Variants in AFAP1 observed in about 807,000 individuals in gnomAD.
AFAP1 encodes the protein actin filament associated protein 1.
Under a neutral mutation model 93.9 loss-of-function variants are expected in AFAP1, and 75 were observed. The observed-to-expected ratio is 0.80, with a 90% CI of 0.66 to 0.97. The LOEUF (loss-of-function observed/expected upper bound fraction) is 0.97. Ranked by LOEUF, AFAP1 falls within the 50% of genes least tolerant of loss-of-function variation. The probability of loss-of-function intolerance (pLI) is 0.00; values close to 1 mark genes in which losing one functional copy is unlikely to be tolerated. For missense variants in AFAP1, 1,201 were observed against 1,050.8 expected, an observed-to-expected ratio of 1.14 and a Z score of -1.98; for synonymous variants, 517 against 430.7, an observed-to-expected ratio of 1.20 and a Z score of -2.48.
intron 10 of AFAP1, chr4:7,799,073 A>G (rs932685788): frequency 4.1e-6 from 4 of 986,024 alleles, no homozygotes; most frequent in African/African-American, 1.7e-5. Flanking sequence ...TTTACAAGGT[A>G]CACTGACTCT....
intron 2 of AFAP1, among the ~76,000 whole-genome samples, chr4:7,869,853 C>T (rs552430643): frequency 6.6e-6 from 1 of 152,224 alleles, no homozygotes; most frequent in East Asian, 1.9e-4. Context: ...AAATGACACA[C>T]ACACACACAC....
At chr4:7,797,344 G>A (rs907938241) in intron 10 of AFAP1, among the ~76,000 whole-genome samples, 6 of 152,084 alleles carry the variant, frequency 3.9e-5, no homozygotes, top group Non-Finnish European at 8.8e-5. Flanking sequence ...AGACTTAGAG[G>A]GGAAAAATGC....
chr4:7,772,578 GAC>G, intron 16 of AFAP1: 3 of 524,612 alleles, frequency 5.7e-6, no homozygotes, highest in East Asian at 6.3e-5. Context: ...AAAGGGGAAA[GAC>G]ACAGACTCAG....
chr4:7,890,839 G>A (rs547989639), intron 1 of AFAP1, among the ~76,000 whole-genome samples: 9 of 152,220 alleles, frequency 5.9e-5, no homozygotes, highest in South Asian at 2.1e-4. Context: ...CCACTTTCCC[G>A]GTGGGAAGGC....
intron 9 of AFAP1, among the ~76,000 whole-genome samples, chr4:7,802,387 G>A (rs887742880): frequency 3.3e-5 from 5 of 152,208 alleles, no homozygotes; most frequent in East Asian, 3.9e-4. Context: ...AGGGCTGCAG[G>A]GAGGTGAAGA....
intron 16 of AFAP1, among the ~76,000 whole-genome samples, chr4:7,771,181 T>C (rs1560146332): frequency 6.6e-6 from 1 of 152,244 alleles, no homozygotes; most frequent in Non-Finnish European, 1.5e-5. Flanking sequence ...TCACCTATCT[T>C]GTTCATAACT....
At chr4:7,934,346 T>C (rs999349808) in intron 1 of AFAP1, among the ~76,000 whole-genome samples, 2 of 152,206 alleles carry the variant, frequency 1.3e-5, no homozygotes, top group African/African-American at 4.8e-5. Context: ...TTTTTCCCAC[T>C]GGACCACGAA....
At chr4:7,774,978 C>T in intron 14 of AFAP1, 75 bp from the exon 15 acceptor site, 1 of 1,531,446 alleles carries the variant, frequency 6.5e-7, no homozygotes, top group East Asian at 2.3e-5. Context: ...CCCTTCTCCA[C>T]AAAAAATACA....
chr4:7,910,705 T>G (rs1719677044), intron 1 of AFAP1, among the ~76,000 whole-genome samples: 1 of 152,222 alleles, frequency 6.6e-6, no homozygotes, highest in Non-Finnish European at 1.5e-5. Flanking sequence ...CAGTCTCCTG[T>G]TCCACTGACT....
At chr4:7,849,261 A>T (rs1391241795) in intron 4 of AFAP1, among the ~76,000 whole-genome samples, 2 of 152,106 alleles carry the variant, frequency 1.3e-5, no homozygotes, top group Non-Finnish European at 2.9e-5. Flanking sequence ...GGCAGAAAAC[A>T]CGGCTCCTCT....
intron 1 of AFAP1, among the ~76,000 whole-genome samples, chr4:7,878,859 G>T (rs373978603): frequency 4.6e-5 from 7 of 152,022 alleles, no homozygotes; most frequent in South Asian, 2.1e-4. Flanking sequence ...TTTTTATACC[G>T]TAACACTGAC....
intron 12 of AFAP1, among the ~76,000 whole-genome samples, chr4:7,783,798 C>G (rs1216211405): frequency 6.6e-6 from 1 of 152,216 alleles, no homozygotes; most frequent in Non-Finnish European, 1.5e-5. Flanking sequence ...ATCCGGTTCA[C>G]AGTCACAGGT....
At chr4:7,889,542 C>CA (rs576725041) in intron 1 of AFAP1, among the ~76,000 whole-genome samples, 11,890 of 59,754 alleles carry the variant, frequency 0.2, 1,188 homozygotes, top group East Asian at 0.54. Flanking sequence ...AACTCCATCC[C>CA]AAAAAAAAAA....
intron 4 of AFAP1, among the ~76,000 whole-genome samples, chr4:7,844,407 G>A (rs972573341): frequency 2.0e-5 from 3 of 152,116 alleles, no homozygotes; most frequent in South Asian, 2.1e-4. Flanking sequence ...CTGGACTCCC[G>A]GACTGACGAG....
In AFAP1 at chr4:7,829,177, T is replaced by C. The variant is rs191338553; in HGVS notation, c.726+9347A>G. Among the ~76,000 whole-genome samples, 327 of 152,352 alleles carry C rather than the reference T, an allele frequency of 2.1e-3. 3 individuals carry two copies. Among genetic ancestry groups the C allele is most frequent in the African/African-American group, 7.6e-3 (316 of 41,580 alleles). On this transcript the variant is annotated intron_variant, in intron 6 of 17. Transcript: ENST00000420658. ...GGAACTGTGAGTCAATGTAACCTCT[T>C]TCCTTTATAAATTACCCAGTCTAAG...
intron 5 of AFAP1, among the ~76,000 whole-genome samples, chr4:7,840,039 C>T (rs1381568773): frequency 6.6e-6 from 1 of 152,112 alleles, no homozygotes; most frequent in African/African-American, 2.4e-5. Flanking sequence ...CATGGTGGCT[C>T]ATTCTGCAGA....
chr4:7,888,757 G>A (rs186101651), intron 1 of AFAP1, among the ~76,000 whole-genome samples: 8 of 152,196 alleles, frequency 5.3e-5, no homozygotes, highest in Non-Finnish European at 1.2e-4. Flanking sequence ...CACACCTCAT[G>A]AACACAGACA....
At position 7,939,542 on chromosome 4, in the gene AFAP1, C is replaced by T. The variant is rs1029724412; in HGVS notation, c.-3+114G>A. 3 of 369,140 alleles carry T rather than the reference C, an allele frequency of 8.1e-6. No individual in the cohort carries two copies. The highest frequency in any genetic ancestry group is 1.6e-5 in the Non-Finnish European group (3 of 188,496). 22.9% of individuals were successfully genotyped at this position (369,140 alleles called of 1,614,324 possible). Reference sequence around the variant, plus strand: ...CCCCCGGTACCACCCGAGGCCGAGACAAAGCCCAGGCGCACGGACCCCGGA... The same window carrying T: ...CCCCCGGTACCACCCGAGGCCGAGATAAAGCCCAGGCGCACGGACCCCGGA... On this transcript the variant is annotated intron_variant, in intron 1 of 17. Coordinates refer to ENST00000420658, the MANE Select transcript of AFAP1 (RefSeq NM_001134647.2). This position sits in a 1 kb window ranked among gnomAD's most constrained non-coding sequence, Gnocchi z 5.6.
chr4:7,863,313 G>C (rs1174548852), intron 3 of AFAP1, among the ~76,000 whole-genome samples: 1 of 152,132 alleles, frequency 6.6e-6, no homozygotes, highest in African/African-American at 2.4e-5. Context: ...CAGCTACTTG[G>C]GAGGGTGAGG....
Sources: gnomAD v4.1 joint callset for allele counts (sites outside exome capture counted in the v4.1 genomes callset) on GRCh38, gnomAD v4.1.1 for gene constraint, Gnocchi (gnomAD v3.1) non-coding constraint, MANE v1.5 for transcripts, NCBI Gene and HGNC (gene_info 2026-07-23, HGNC 2026-07-21) for gene names.